The following ZPBP variants were observed in gnomAD, a reference collection of about 807,000 sequenced individuals.
ZPBP encodes zona pellucida binding protein, also known as zona pellucida-binding protein 1.
ZPBP carries 26 observed loss-of-function variants against 44.8 expected under a neutral mutation model. The observed-to-expected ratio is 0.58, with a 90% CI of 0.43 to 0.81. The LOEUF is 0.81. ZPBP is among the 30% of genes least tolerant of loss of function. The probability of loss-of-function intolerance (pLI) is 0.00; values close to 1 mark genes in which losing one functional copy is unlikely to be tolerated. For synonymous variants in ZPBP, 174 were observed against 153.2 expected (o/e 1.14, Z -1.00); for missense variants, 409 against 434.0 (o/e 0.94, Z 0.51).
At chr7:49,951,739 C>A (rs1226950586) in intron 7 of ZPBP, among the ~76,000 whole-genome samples, 3 of 151,236 alleles carry the variant, frequency 2.0e-5, no homozygotes, top group African/African-American at 7.3e-5. Flanking sequence ...TTGGTATGTA[C>A]CCAAAAGAAC....
At chr7:50,027,320 C>T (rs1799384286) in intron 5 of ZPBP, among the ~76,000 whole-genome samples, 1 of 151,870 alleles carries the variant, frequency 6.6e-6, no homozygotes, top group Admixed American at 6.6e-5. Context: ...AACAGAAGGA[C>T]ATCTAGAATG....
intron 4 of ZPBP, among the ~76,000 whole-genome samples, chr7:50,033,884 G>C (rs1391413808): frequency 1.3e-5 from 2 of 151,942 alleles, no homozygotes; most frequent in African/African-American, 4.8e-5. Context: ...GTAGAGATGG[G>C]GTTTCACTAT....
chr7:49,876,473 C>T (rs1791417990), intron 2 of ZPBP, among the ~76,000 whole-genome samples: 1 of 152,054 alleles, frequency 6.6e-6, no homozygotes, highest in Admixed American at 6.6e-5. Context: ...TGTAAAAGCT[C>T]TTTTAAGACC....
intron 7 of ZPBP, among the ~76,000 whole-genome samples, chr7:49,959,663 T>C (rs956453812): frequency 3.3e-5 from 5 of 152,188 alleles, no homozygotes; most frequent in Non-Finnish European, 5.9e-5. Flanking sequence ...CTAAATATAT[T>C]TGAGATAACA....
At chr7:50,000,706 C>T (rs2128794363) in intron 6 of ZPBP, among the ~76,000 whole-genome samples, 1 of 152,154 alleles carries the variant, frequency 6.6e-6, no homozygotes, top group East Asian at 1.9e-4. Flanking sequence ...TGATGCTCAG[C>T]ATTATAGTAT....
chr7:49,940,696 AT>A (rs1794839201), intron 7 of ZPBP: 3 of 944,024 alleles, frequency 3.2e-6, no homozygotes, highest in East Asian at 2.3e-4. Flanking sequence ...AAAAAAAAAA[AT>A]TGTGGCATTT....
At chr7:49,895,699 T>G (rs551241250) in intron 2 of ZPBP, among the ~76,000 whole-genome samples, 104 of 147,942 alleles carry the variant, frequency 7.0e-4, no homozygotes, top group Non-Finnish European at 9.1e-4. Flanking sequence ...TCTCTGAGTC[T>G]CATTTTTCAT....
In ZPBP at chr7:49,875,369, CAAAAAAA is replaced by C. The variant is rs71018432; in HGVS notation, n.510-24862_510-24856del. Among the ~76,000 whole-genome samples, 21 of 19,010 alleles carry C rather than the reference CAAAAAAA, an allele frequency of 1.1e-3. 1 individual carries two copies. The highest frequency in any genetic ancestry group is 0.14 in the Middle Eastern group (2 of 14). 12.5% of individuals were successfully genotyped at this position (19,010 alleles called of 152,430 possible). A position where few individuals can be genotyped will look rare whatever the true frequency, so the allele number is the denominator to read the frequency against. On this transcript the variant is annotated intron_variant and non_coding_transcript_variant, in intron 2 of 2. Transcript: ENST00000465922. ...TGGGTAACAGAGTGAGATTCTGACT[CAAAAAAA>C]AAAAAAAAAAAAAAAAAAAAACAGG...
chr7:50,038,216 TCA>T (rs1353798522), intron 4 of ZPBP, among the ~76,000 whole-genome samples: 6 of 152,160 alleles, frequency 3.9e-5, no homozygotes, highest in Non-Finnish European at 7.3e-5. Flanking sequence ...GTGCTATCGC[TCA>T]GAGAATTTAT....
chr7:50,025,589 T>C (rs111254891), intron 5 of ZPBP, among the ~76,000 whole-genome samples: 1 of 151,886 alleles, frequency 6.6e-6, no homozygotes, highest in Non-Finnish European at 1.5e-5. Flanking sequence ...CACATGCAAA[T>C]AAATCTAGAC....
At chr7:49,848,093 T>G (rs546224690), downstream of ZPBP, among the ~76,000 whole-genome samples, 12 of 152,288 alleles carry the variant, frequency 7.9e-5, no homozygotes, top group African/African-American at 2.4e-4. Context: ...TAGATCTGTC[T>G]CTGGGAGAAA....
At chr7:50,070,166 C>T (rs1474193942) in intron 3 of ZPBP, among the ~76,000 whole-genome samples, 3 of 152,142 alleles carry the variant, frequency 2.0e-5, no homozygotes, top group Non-Finnish European at 4.4e-5. Flanking sequence ...CACACACCCA[C>T]CCACTCCCAG....
chr7:50,070,062 G>A (rs2128841124), intron 3 of ZPBP, among the ~76,000 whole-genome samples: 1 of 152,102 alleles, frequency 6.6e-6, no homozygotes, highest in African/African-American at 2.4e-5. Context: ...GGTGAGCCTA[G>A]TTAGGCTCCC....
chr7:50,042,922 G>T (rs907844779), intron 4 of ZPBP, among the ~76,000 whole-genome samples: 25 of 152,116 alleles, frequency 1.6e-4, no homozygotes, highest in Admixed American at 3.9e-4. Context: ...CCCAAATCTG[G>T]TCATAAACTG....
intron 3 of ZPBP, among the ~76,000 whole-genome samples, chr7:50,070,613 G>C (rs1033904903): frequency 1.4e-4 from 21 of 152,192 alleles, no homozygotes; most frequent in African/African-American, 4.8e-4. Context: ...AGGAATCAGA[G>C]AGACTGATGG....
At chr7:49,953,692 T>C (rs1795449952) in intron 7 of ZPBP, among the ~76,000 whole-genome samples, 1 of 152,140 alleles carries the variant, frequency 6.6e-6, no homozygotes, top group Admixed American at 6.6e-5. Flanking sequence ...CAAAGATTAC[T>C]GTGCAGTAAT....
At chr7:50,029,261 T>A (rs1314043766) in intron 5 of ZPBP, among the ~76,000 whole-genome samples, 2 of 152,172 alleles carry the variant, frequency 1.3e-5, no homozygotes, top group Non-Finnish European at 2.9e-5. Context: ...ACAAATGTTC[T>A]TGGACAACCA....
chr7:50,000,456 T>C (rs558198795), intron 6 of ZPBP, among the ~76,000 whole-genome samples: 29 of 152,286 alleles, frequency 1.9e-4, no homozygotes, highest in African/African-American at 7.0e-4. Flanking sequence ...TAAGTAGAGA[T>C]CTGCAATTAA....
intron 1 of ZPBP, among the ~76,000 whole-genome samples, chr7:49,922,200 G>A (rs770895252): frequency 5.3e-5 from 8 of 151,854 alleles, no homozygotes; most frequent in Non-Finnish European, 7.4e-5. Context: ...AATATCCCAC[G>A]GAATTGACTG....
Sources: allele counts gnomAD v4.1 joint callset (sites outside exome capture counted in the v4.1 genomes callset), GRCh38; gene constraint gnomAD v4.1.1; transcripts MANE v1.5; gene names NCBI Gene and HGNC (gene_info 2026-07-23, HGNC 2026-07-21).